Variants in CSNK1D observed in about 807,000 individuals in gnomAD.
CSNK1D encodes casein kinase 1 delta.
CSNK1D carries 16 observed loss-of-function variants against 46.6 expected under a neutral mutation model. The ratio of observed to expected loss-of-function variants is 0.34; its 90% CI spans 0.23 to 0.52. CSNK1D has a LOEUF of 0.52. CSNK1D is among the 20% of genes least tolerant of loss of function. The pLI is 0.95. For synonymous variants in CSNK1D, 276 were observed against 228.2 expected (o/e 1.21, Z -1.89); for missense variants, 398 against 578.4 (o/e 0.69, Z 3.20).
chr17:82,247,890 G>A (rs2050891591), intron 8 of CSNK1D: 2 of 985,452 alleles, frequency 2.0e-6, no homozygotes, highest in Non-Finnish European at 2.4e-6. Context: ...AATTAGAAAC[G>A]TGCAGTAAAA....
rs985504697 is a variant in CSNK1D at position 82,249,386 on chromosome 17, G to A, written c.1057+45C>T. On this transcript the variant is annotated intron_variant, in intron 7 of 8. Coordinates refer to ENST00000314028, the MANE Select transcript of CSNK1D (RefSeq NM_001893.6). The surrounding 1 kb of genome is among the most constrained non-coding windows in gnomAD (Gnocchi z 6.7). ...CCCCACCAACCCCAAGACACAAGAA[G>A]TCACCCCAGAGCCAGCCCCAGAGCG... 6 of 1,527,948 alleles carry A rather than the reference G, an allele frequency of 3.9e-6. No individual in the cohort carries two copies. The highest frequency in any genetic ancestry group is 5.3e-6 in the Non-Finnish European group (6 of 1,139,716). The allele number at this position is 1,527,948 out of a possible 1,614,324, so 94.6% of individuals were successfully genotyped here. A position where few individuals can be genotyped will look rare whatever the true frequency, so the allele number is the denominator to read the frequency against.
Position 82,249,863 on chromosome 17 carries a change from C to T in CSNK1D, c.886-261G>A. Reference sequence around the variant, plus strand: ...ATGGCATCTCCCTGTGGGCTCAGAACTTCCTTAAACTTCCAAATGGGCAGC... The same window carrying T: ...ATGGCATCTCCCTGTGGGCTCAGAATTTCCTTAAACTTCCAAATGGGCAGC... On this transcript the variant is annotated intron_variant, in intron 6 of 8. Coordinates refer to ENST00000314028, the MANE Select transcript of CSNK1D (RefSeq NM_001893.6). The surrounding 1 kb of genome is among the most constrained non-coding windows in gnomAD (Gnocchi z 6.7). The T allele has an allele frequency of 7.1e-7, 1 of 1,412,796 alleles. No homozygotes were observed. Among genetic ancestry groups the T allele is most frequent in the Admixed American group, 2.9e-5 (1 of 34,248 alleles). 87.5% of individuals were successfully genotyped at this position (1,412,796 alleles called of 1,614,324 possible).
rs551714101 is a variant in CSNK1D, at chr17:82,245,613, C to T, written c.1198-782G>A. On this transcript the variant is annotated intron_variant, in intron 8 of 8. Transcript: ENST00000314028. ...AGACGCCCCTCCAGGCACGGCCGAC[C>T]GCAGACAAGGCAACTCAAGTGCTCG... 55 of 338,394 alleles carry T rather than the reference C, an allele frequency of 1.6e-4. No individual in the cohort carries two copies. The East Asian group carries it at 3.5e-3, about 22-fold the overall frequency. 21.0% of individuals were successfully genotyped at this position (338,394 alleles called of 1,614,324 possible). A position where few individuals can be genotyped will look rare whatever the true frequency, so the allele number is the denominator to read the frequency against.
intron 2 of CSNK1D, 164 bp downstream of exon 2, chr17:82,265,522 G>C: frequency 1.5e-6 from 1 of 677,616 alleles, no homozygotes; most frequent in Non-Finnish European, 2.7e-6. Flanking sequence ...CTGGACCCAA[G>C]ACTCTCTGAA....
At chr17:82,270,000 AG>A (rs1253836680) in intron 1 of CSNK1D, among the ~76,000 whole-genome samples, 1 of 152,246 alleles carries the variant, frequency 6.6e-6, no homozygotes, top group Non-Finnish European at 1.5e-5. Flanking sequence ...AGGGCGGCAC[AG>A]GGCCGGGGCC....
chr17:82,263,905 G>A (rs1330992555), intron 2 of CSNK1D, among the ~76,000 whole-genome samples: 1 of 152,208 alleles, frequency 6.6e-6, no homozygotes, highest in East Asian at 1.9e-4. Flanking sequence ...CGGAGTCTCT[G>A]CTGAGCTTTC....
chr17:82,269,003 G>A (rs1345589942), intron 1 of CSNK1D, among the ~76,000 whole-genome samples: 4 of 151,438 alleles, frequency 2.6e-5, no homozygotes, highest in African/African-American at 9.7e-5. Context: ...AGGTTGATGC[G>A]GAAGAACTGC....
Position 82,251,843 on chromosome 17 carries a change from A to G in CSNK1D, c.737-316T>C, listed in dbSNP as rs1191648544. ...ATCTCTACTGAAAAAAAAAAAAAAA[A>G]AGTTCTAGAGCGTGGTGGCGGGCGC... On this transcript the variant is annotated intron_variant, in intron 5 of 8. Coordinates refer to ENST00000314028, the MANE Select transcript of CSNK1D (RefSeq NM_001893.6). The surrounding 1 kb of genome is among the most constrained non-coding windows in gnomAD (Gnocchi z 4.5). 9 of 369,152 alleles carry G rather than the reference A, an allele frequency of 2.4e-5. No individual in the cohort carries two copies. The highest frequency in any genetic ancestry group is 1.7e-4 in the African/African-American group (8 of 47,400). The allele number at this position is 369,152 out of a possible 1,614,324, so 22.9% of individuals were successfully genotyped here.
rs765337328 is a variant in CSNK1D, at chr17:82,273,428, G to T, written c.-47C>A. 5 of 1,605,048 alleles carry T rather than the reference G, an allele frequency of 3.1e-6. No individual in the cohort carries two copies. Among genetic ancestry groups the T allele is most frequent in the South Asian group, 1.1e-5 (1 of 90,338 alleles). Reference sequence around the variant, plus strand: ...TCCTGCCCTCCCGGCCGCTTCCTGGGTCTGAACTCTGGGAGGCGGCGCCGC... The same window carrying T: ...TCCTGCCCTCCCGGCCGCTTCCTGGTTCTGAACTCTGGGAGGCGGCGCCGC... On this transcript the variant is annotated 5_prime_UTR_variant, in exon 1 of 9. Transcript: ENST00000314028. The surrounding 1 kb of genome is among the most constrained non-coding windows in gnomAD (Gnocchi z 5.1).
downstream of CSNK1D, chr17:82,240,205 T>G (rs569826979): frequency 9.2e-6 from 5 of 541,694 alleles, no homozygotes; most frequent in South Asian, 4.0e-4. Context: ...CTAGCAGGGC[T>G]CAGGCTGGCG....
Position 82,246,586 on chromosome 17 carries a change from C to T in CSNK1D, c.1198-1755G>A, listed in dbSNP as rs563849223. 1.4e-5 allele frequency: 14 copies of T among 1,022,532 alleles called. No homozygotes were observed. In the East Asian group the frequency reaches 3.5e-4, roughly 25 times the overall value. 63.3% of individuals were successfully genotyped at this position (1,022,532 alleles called of 1,614,324 possible). On this transcript the variant is annotated intron_variant, in intron 8 of 8. Transcript: ENST00000314028. ...GAGCCCTGGCCGAACACCAACAGCC[C>T]GAAAAGAGAGGGGGCGAAGAGGGAA...
intron 2 of CSNK1D, among the ~76,000 whole-genome samples, chr17:82,260,188 GTGGTGACTGATGGTGTACTGAC>G (rs2051292371): frequency 2.0e-5 from 3 of 148,394 alleles, no homozygotes. Flanking sequence ...GGTGTACTGA[GTGGTGACTGATGGTGTACTGAC>G]TGATGTGACT....
Position 82,252,643 on chromosome 17 carries a change from C to G in CSNK1D, c.566-39G>C. 1 of 1,598,840 alleles carries G rather than the reference C, an allele frequency of 6.3e-7. No individual in the cohort carries two copies. On this transcript the variant is annotated intron_variant, in intron 4 of 8. Coordinates refer to ENST00000314028, the MANE Select transcript of CSNK1D (RefSeq NM_001893.6). The surrounding 1 kb of genome is among the most constrained non-coding windows in gnomAD (Gnocchi z 4.6). The stretch of plus-strand genomic sequence containing the variant: ...GGAAAGGCGTGAAGAACGGCACTTG[C>G]GTGCTCACGTCAAAGCAAAAGACCC...
At chr17:82,263,001 G>A (rs530015152) in intron 2 of CSNK1D, among the ~76,000 whole-genome samples, 3 of 152,272 alleles carry the variant, frequency 2.0e-5, no homozygotes, top group African/African-American at 7.2e-5. Context: ...CCAACGTGGT[G>A]AAGCCCTATC....
chr17:82,249,731 C>G lies in CSNK1D; in HGVS notation c.886-129G>C. The G allele has an allele frequency of 3.3e-6, 5 of 1,510,704 alleles. No homozygotes were observed. The highest frequency in any genetic ancestry group is 4.4e-6 in the Non-Finnish European group (5 of 1,132,618). 93.6% of individuals were successfully genotyped at this position (1,510,704 alleles called of 1,614,324 possible). ...ACTGGGACGAGACTGCCTGCAAAGC[C>G]CCCCACAGGCTGCACGTTTCTCCTC... On this transcript the variant is annotated intron_variant, in intron 6 of 8. Transcript: ENST00000314028. The surrounding 1 kb of genome is among the most constrained non-coding windows in gnomAD (Gnocchi z 6.7).
intron 8 of CSNK1D, chr17:82,245,941 C>A (rs556851600): frequency 2.5e-6 from 4 of 1,575,488 alleles, no homozygotes; most frequent in Non-Finnish European, 3.4e-6. Flanking sequence ...ACCCACCTGG[C>A]GCTGCTGCCT....
rs559160302 is a variant in CSNK1D at position 82,243,147 on chromosome 17, T to C, written c.*1634A>G. The C allele has an allele frequency of 3.9e-5, 38 of 985,484 alleles. No homozygotes were observed. The highest frequency in any genetic ancestry group is 6.1e-5 in the Admixed American group (1 of 16,274). 61.0% of individuals were successfully genotyped at this position (985,484 alleles called of 1,614,324 possible). ...CGCTTACACAGTAACCAGCCTAGGA[T>C]TGAGAAAGCATCCATGGGCTCAGGC... On this transcript the variant is annotated 3_prime_UTR_variant, in exon 9 of 9. Coordinates refer to ENST00000314028, the MANE Select transcript of CSNK1D (RefSeq NM_001893.6).
chr17:82,265,800 G>C lies in CSNK1D; in HGVS notation c.77-4C>G. 1 of 1,612,318 alleles carries C rather than the reference G, an allele frequency of 6.2e-7. No homozygotes were observed. Among genetic ancestry groups the C allele is most frequent in the Non-Finnish European group, 8.5e-7 (1 of 1,178,406 alleles). ...TCTCCTGCAGCAATGTCCGTACCTT[G>C]GCAAAGAAAGAAAACCACAACAGGA... On this transcript the variant is annotated splice_polypyrimidine_tract_variant and splice_region_variant and intron_variant, in intron 1 of 8. Transcript: ENST00000314028.
At chr17:82,241,143 C>G (rs1457334140), downstream of CSNK1D, among the ~76,000 whole-genome samples, 1 of 152,134 alleles carries the variant, frequency 6.6e-6, no homozygotes, top group Non-Finnish European at 1.5e-5. Flanking sequence ...GGGCAGAGGG[C>G]GCACAGACTT....
Sources: gnomAD v4.1 joint callset for allele counts (sites outside exome capture counted in the v4.1 genomes callset) on GRCh38, gnomAD v4.1.1 for gene constraint, Gnocchi (gnomAD v3.1) non-coding constraint, MANE v1.5 for transcripts, NCBI Gene and HGNC (gene_info 2026-07-23, HGNC 2026-07-21) for gene names.